The following EVI5 variants were observed in gnomAD, a reference collection of about 807,000 sequenced individuals.
EVI5 encodes ecotropic viral integration site 5 protein homolog.
Under a neutral mutation model 112.0 loss-of-function variants are expected in EVI5, and 73 were observed. The observed-to-expected ratio is 0.65, with a 90% CI of 0.54 to 0.79. The LOEUF (loss-of-function observed/expected upper bound fraction) is 0.79. EVI5 is among the 30% of genes least tolerant of loss of function. EVI5 has a pLI of 0.00. For missense variants in EVI5, 900 were observed against 968.8 expected, an observed-to-expected ratio of 0.93 and a Z score of 0.94; for synonymous variants, 305 against 319.9, an observed-to-expected ratio of 0.95 and a Z score of 0.50.
intron 18 of EVI5, among the ~76,000 whole-genome samples, chr1:92,564,836 C>T (rs1310081374): frequency 6.6e-6 from 1 of 151,938 alleles, no homozygotes; most frequent in South Asian, 2.1e-4. Context: ...CCCAGCACTG[C>T]GCCTGGCTAA....
chr1:92,527,429 A>AAAAAAAAAAAAAG (rs1662093705), intron 19 of EVI5, among the ~76,000 whole-genome samples: 5 of 134,766 alleles, frequency 3.7e-5, no homozygotes, highest in Admixed American at 7.8e-5. Context: ...AAAAAAAAAA[A>AAAAAAAAAAAAAG]AAAAGAAAAA....
chr1:92,557,562 G>C (rs556659248), intron 19 of EVI5, among the ~76,000 whole-genome samples: 173 of 152,122 alleles, frequency 1.1e-3, no homozygotes, highest in Non-Finnish European at 1.3e-3. Flanking sequence ...GCCTCTCAGA[G>C]TGCTGGGATA....
chr1:92,787,508 G>T (rs754667350), upstream of EVI5, among the ~76,000 whole-genome samples: 1 of 152,084 alleles, frequency 6.6e-6, no homozygotes, highest in African/African-American at 2.4e-5. Flanking sequence ...GAGGCCGGCG[G>T]ATCATTTAAG....
chr1:92,747,407 T>G (rs1199939433), intron 1 of EVI5, among the ~76,000 whole-genome samples: 1 of 151,980 alleles, frequency 6.6e-6, no homozygotes, highest in East Asian at 1.9e-4. Context: ...TACCACAAAC[T>G]GGGTGGCTTA....
At chr1:92,525,267 C>CTTTTTTTTT (rs745392747) in intron 19 of EVI5, among the ~76,000 whole-genome samples, 4 of 104,402 alleles carry the variant, frequency 3.8e-5, no homozygotes, top group African/African-American at 7.7e-5. Context: ...ATGACAATGC[C>CTTTTTTTTT]TTTTTTTTTT....
At chr1:92,669,665 T>C (rs1665534085) in intron 10 of EVI5, among the ~76,000 whole-genome samples, 1 of 152,014 alleles carries the variant, frequency 6.6e-6, no homozygotes, top group Non-Finnish European at 1.5e-5. Flanking sequence ...GTTTGTTAGG[T>C]CCTATTCTAT....
At chr1:92,546,969 A>G (rs538204677) in intron 19 of EVI5, among the ~76,000 whole-genome samples, 755 of 152,328 alleles carry the variant, frequency 5.0e-3, no homozygotes, top group African/African-American at 0.017. Flanking sequence ...GATATCCAGG[A>G]ATTGAACTCA....
chr1:92,631,288 A>G (rs1175983719), intron 14 of EVI5, among the ~76,000 whole-genome samples: 2 of 152,060 alleles, frequency 1.3e-5, no homozygotes, highest in South Asian at 2.1e-4. Context: ...CCATTTTCAC[A>G]ATATTGATTC....
chr1:92,550,204 G>A (rs1274517103), intron 19 of EVI5, among the ~76,000 whole-genome samples: 1 of 151,984 alleles, frequency 6.6e-6, no homozygotes, highest in Non-Finnish European at 1.5e-5. Flanking sequence ...GTAGGGACAC[G>A]GATGAAGCTG....
At chr1:92,577,920 T>G (rs1671329703) in intron 18 of EVI5, among the ~76,000 whole-genome samples, 1 of 152,228 alleles carries the variant, frequency 6.6e-6, no homozygotes, top group Non-Finnish European at 1.5e-5. Context: ...GTTGTTGTTT[T>G]TTTGTTTGTT....
intron 13 of EVI5, among the ~76,000 whole-genome samples, chr1:92,651,542 C>G (rs1476909632): frequency 1.3e-5 from 2 of 152,192 alleles, no homozygotes; most frequent in Non-Finnish European, 2.9e-5. Flanking sequence ...AAAATAACAA[C>G]AGTTGGCAAG....
chr1:92,607,322 A>C, intron 17 of EVI5: 1 of 313,980 alleles, frequency 3.2e-6, no homozygotes, highest in Non-Finnish European at 5.7e-6. Context: ...AAAACTGTAA[A>C]GAAATACTAG....
At chr1:92,629,981 AC>A (rs755737688) in intron 14 of EVI5, among the ~76,000 whole-genome samples, 2 of 152,194 alleles carry the variant, frequency 1.3e-5, no homozygotes, top group East Asian at 3.9e-4. Context: ...CCACGTCCCT[AC>A]AAAGGATATG....
chr1:92,578,490 C>T (rs904898421), intron 18 of EVI5, among the ~76,000 whole-genome samples: 10 of 151,828 alleles, frequency 6.6e-5, no homozygotes, highest in African/African-American at 1.7e-4. Context: ...CTGAGGCGGG[C>T]GGATTACGAG....
At chr1:92,654,052 T>C (rs969361771) in intron 13 of EVI5, among the ~76,000 whole-genome samples, 4 of 151,962 alleles carry the variant, frequency 2.6e-5, no homozygotes, top group Admixed American at 6.6e-5. Context: ...GTGCTCATCA[T>C]TGGGGAATCC....
intron 15 of EVI5, 92 bp downstream of exon 15, chr1:92,625,702 T>C: frequency 9.4e-7 from 1 of 1,062,878 alleles, no homozygotes; most frequent in East Asian, 2.4e-5. Context: ...TAAACTCATC[T>C]ACTATAGGTC....
At chr1:92,702,043 T>C (rs1570450463) in intron 5 of EVI5, 98 bp downstream of exon 5, 1 of 594,964 alleles carries the variant, frequency 1.7e-6, no homozygotes, top group Non-Finnish European at 2.9e-6. Context: ...AAAATACCCA[T>C]ATCCACTTAC....
intron 19 of EVI5, among the ~76,000 whole-genome samples, chr1:92,559,827 T>C (rs1477219010): frequency 6.1e-5 from 9 of 147,732 alleles, no homozygotes; most frequent in Non-Finnish European, 1.2e-4. Flanking sequence ...GCAACTTATA[T>C]GTGACCTCAT....
chr1:92,659,871 G>T lies in EVI5; in HGVS notation c.1392+2848C>A, dbSNP rs181346116. On this transcript the variant is annotated intron_variant, in intron 13 of 19. Coordinates refer to ENST00000684568, the MANE Select transcript of EVI5 (RefSeq NM_001350197.2). The stretch of plus-strand genomic sequence containing the variant: ...ATGGATGACTGAATACAAAAAAATG[G>T]TGTGTATATACACCATGAAATATTA... Among the ~76,000 whole-genome samples, 6 of 151,976 alleles carry T rather than the reference G, an allele frequency of 3.9e-5. No homozygotes were observed. In the South Asian group the frequency reaches 6.2e-4, roughly 16 times the overall value.
Sources: gnomAD v4.1 joint callset for allele counts (sites outside exome capture counted in the v4.1 genomes callset) on GRCh38, gnomAD v4.1.1 for gene constraint, MANE v1.5 for transcripts, NCBI Gene and HGNC (gene_info 2026-07-23, HGNC 2026-07-21) for gene names.